Variants in LRRC37A observed in about 807,000 individuals in gnomAD.
LRRC37A encodes leucine-rich repeat-containing protein 37A.
LRRC37A carries 3 observed loss-of-function variants against 35.4 expected under a neutral mutation model. That is an observed-to-expected ratio of 0.08 (90% confidence interval 0.04 to 0.22). LRRC37A has a LOEUF of 0.22. LRRC37A is among the 10% of genes least tolerant of loss of function. The probability of loss-of-function intolerance (pLI) is 1.00; values close to 1 mark genes in which losing one functional copy is unlikely to be tolerated. For missense variants in LRRC37A, 67 were observed against 565.3 expected (o/e 0.12, Z 8.94); for synonymous variants, 23 against 215.0 (o/e 0.11, Z 7.81).
the LRRC37A span, among the ~76,000 whole-genome samples, chr17:46,268,880 G>T: frequency 6.6e-6 from 1 of 152,258 alleles, no homozygotes; most frequent in Non-Finnish European, 1.5e-5. Flanking sequence ...TAAATGGGCT[G>T]CTCCTGAGCT....
the LRRC37A span, among the ~76,000 whole-genome samples, chr17:46,250,368 T>C: frequency 4.2e-4 from 64 of 152,338 alleles, no homozygotes; most frequent in African/African-American, 1.2e-3. Flanking sequence ...GATTGAAGGA[T>C]ACAAAATATT....
the LRRC37A span, among the ~76,000 whole-genome samples, chr17:46,269,205 G>T: frequency 2.6e-5 from 4 of 152,182 alleles, no homozygotes; most frequent in Admixed American, 2.6e-4. Context: ...AAACACAAGG[G>T]TCAAAGCCCA....
chr17:46,252,760 C>T, the LRRC37A span, among the ~76,000 whole-genome samples: 2 of 152,176 alleles, frequency 1.3e-5, no homozygotes, highest in African/African-American at 4.8e-5. Flanking sequence ...TGAAAAGTCT[C>T]CCATGTCTAC....
the LRRC37A span, among the ~76,000 whole-genome samples, chr17:46,254,981 G>A: frequency 4.6e-5 from 7 of 151,642 alleles, no homozygotes; most frequent in South Asian, 2.1e-4. Flanking sequence ...GATTATAGGC[G>A]CACACCACTA....
chr17:46,248,350 T>C, the LRRC37A span, among the ~76,000 whole-genome samples: 1 of 152,244 alleles, frequency 6.6e-6, no homozygotes, highest in African/African-American at 2.4e-5. Context: ...ATATAAAGCA[T>C]TTCTGTCGCC....
At chr17:46,271,734 A>G in the LRRC37A span, among the ~76,000 whole-genome samples, 1 of 152,234 alleles carries the variant, frequency 6.6e-6, no homozygotes, top group Non-Finnish European at 1.5e-5. Flanking sequence ...ATAAAAAGGT[A>G]ATTATTTTAC....
the LRRC37A span, among the ~76,000 whole-genome samples, chr17:46,248,189 C>T: frequency 1.3e-5 from 2 of 151,878 alleles, no homozygotes; most frequent in African/African-American, 4.9e-5. Flanking sequence ...GACTTATTTT[C>T]ACCCTGTTGC....
chr17:46,281,935 C>T, the LRRC37A span, among the ~76,000 whole-genome samples: 11 of 152,086 alleles, frequency 7.2e-5, no homozygotes, highest in South Asian at 2.1e-4. Context: ...TGAGCCATCA[C>T]GCCTAGCCTA....
chr17:46,248,894 T>G, the LRRC37A span, among the ~76,000 whole-genome samples: 74 of 151,902 alleles, frequency 4.9e-4, no homozygotes, highest in Non-Finnish European at 7.5e-4. Context: ...TGGCCCTCCA[T>G]ATCTGCAGGT....
the LRRC37A span, among the ~76,000 whole-genome samples, chr17:46,278,087 C>T: frequency 5.3e-5 from 8 of 152,148 alleles, no homozygotes; most frequent in South Asian, 2.1e-4. Flanking sequence ...CTGGGACTTA[C>T]AGGCGTGCAC....
At chr17:46,275,092 A>G in the LRRC37A span, 1 of 201,956 alleles carries the variant, frequency 5.0e-6, no homozygotes, top group Non-Finnish European at 9.6e-6. Flanking sequence ...GGGTTTCTCC[A>G]TATTGGTCAG....
chr17:46,257,694 C>A, the LRRC37A span, among the ~76,000 whole-genome samples: 1 of 150,400 alleles, frequency 6.6e-6, no homozygotes, highest in Non-Finnish European at 1.5e-5. Context: ...TGGTGGTACA[C>A]ACCTGTGATC....
chr17:46,266,684 C>T, the LRRC37A span, among the ~76,000 whole-genome samples: 1 of 152,194 alleles, frequency 6.6e-6, no homozygotes, highest in African/African-American at 2.4e-5. Flanking sequence ...CCCGAAGCTC[C>T]GGTGGAGAGA....
At chr17:46,267,274 C>G in the LRRC37A span, 1 of 1,101,144 alleles carries the variant, frequency 9.1e-7, no homozygotes, top group African/African-American at 1.7e-5. Flanking sequence ...AACCAACGCC[C>G]AGGGACTGGG....
At chr17:46,272,855 T>A in the LRRC37A span, among the ~76,000 whole-genome samples, 1 of 152,270 alleles carries the variant, frequency 6.6e-6, no homozygotes, top group Non-Finnish European at 1.5e-5. Flanking sequence ...GAAATTAATA[T>A]CTTCCTGGTC....
At chr17:46,269,558 G>A in the LRRC37A span, among the ~76,000 whole-genome samples, 11 of 152,304 alleles carry the variant, frequency 7.2e-5, no homozygotes, top group South Asian at 2.1e-4. Context: ...GCCAGTGTGC[G>A]GATGGGTGGA....
upstream of LRRC37A, among the ~76,000 whole-genome samples, chr17:46,290,655 C>T (rs2050041721): frequency 6.6e-6 from 1 of 152,200 alleles, no homozygotes; most frequent in African/African-American, 2.4e-5. Context: ...CCCTGTTAGC[C>T]AGGCTGGTCT....
chr17:46,332,846 C>T (rs1226800499), intron 10 of LRRC37A, among the ~76,000 whole-genome samples, 190 bp downstream of exon 10: 1 of 149,504 alleles, frequency 6.7e-6, no homozygotes, highest in East Asian at 2.0e-4. Context: ...TTAAAGGATC[C>T]TCGCTTTCAG....
chr17:46,250,048 C>T, the LRRC37A span, among the ~76,000 whole-genome samples: 3 of 152,232 alleles, frequency 2.0e-5, no homozygotes, highest in East Asian at 1.9e-4. Context: ...CCACTTGCCT[C>T]GGCCTCCCAA....
Sources: allele counts gnomAD v4.1 joint callset (sites outside exome capture counted in the v4.1 genomes callset), GRCh38; gene constraint gnomAD v4.1.1; transcripts MANE v1.5; gene names NCBI Gene and HGNC (gene_info 2026-07-23, HGNC 2026-07-21).